Variants in PDZD2 observed in about 807,000 individuals in gnomAD.
The protein encoded by PDZD2 is PDZ domain containing 2, also known as PDZ domain-containing protein 2.
PDZD2 carries 90 observed loss-of-function variants against 220.7 expected under a neutral mutation model. That is an observed-to-expected ratio of 0.41 (90% confidence interval 0.34 to 0.49). The LOEUF (loss-of-function observed/expected upper bound fraction) is 0.49, where lower values mean the gene tolerates loss of function less well. Among genes scored for constraint, PDZD2 ranks in the 20% least tolerant of loss-of-function variants. The pLI is 0.28. For synonymous variants in PDZD2, 1,375 were observed against 1,450.5 expected (o/e 0.95, Z 1.18); for missense variants, 3,174 against 3,608.5 (o/e 0.88, Z 3.08).
chr5:31,926,526 G>GAAA (rs71300157), intron 2 of PDZD2, among the ~76,000 whole-genome samples: 37,902 of 80,896 alleles, frequency 0.47, 8,959 homozygotes, highest in East Asian at 0.72. Flanking sequence ...AACTGCATCT[G>GAAA]AAAAAAAAAA....
intron 2 of PDZD2, among the ~76,000 whole-genome samples, chr5:31,970,713 A>G (rs369426165): frequency 2.0e-5 from 3 of 152,268 alleles, no homozygotes; most frequent in African/African-American, 2.4e-5. Flanking sequence ...TGGGTTCTCT[A>G]AGACACCACT....
Position 32,063,069 on chromosome 5 carries a change from G to GA in PDZD2, c.2451+1936dup, listed in dbSNP as rs1267680981. On this transcript the variant is annotated intron_variant, in intron 14 of 24. Transcript: ENST00000438447. ...ATTATTATTATTATTATTTGAGACG[G>GA]AGTCTAGCTCTATAGCCCGGGCTGG... is the stretch of plus-strand genomic sequence containing the variant. 1.2e-4 allele frequency among the ~76,000 whole-genome samples: 13 copies of GA among 105,102 alleles called. No homozygotes were observed. In the East Asian group the frequency reaches 4.5e-3, roughly 36 times the overall value. 69.0% of individuals were successfully genotyped at this position (105,102 alleles called of 152,430 possible).
intron 2 of PDZD2, among the ~76,000 whole-genome samples, chr5:31,904,512 C>T (rs1023436688): frequency 6.6e-6 from 1 of 152,114 alleles, no homozygotes; most frequent in African/African-American, 2.4e-5. Context: ...GAAATCAATA[C>T]TTGTTAATAT....
At chr5:31,917,804 G>A (rs1176220351) in intron 2 of PDZD2, among the ~76,000 whole-genome samples, 2 of 152,050 alleles carry the variant, frequency 1.3e-5, no homozygotes, top group African/African-American at 2.4e-5. Flanking sequence ...GTGCAATGGC[G>A]CGATCTCGGC....
intron 2 of PDZD2, among the ~76,000 whole-genome samples, chr5:31,841,363 A>G (rs947124054): frequency 6.6e-6 from 1 of 152,166 alleles, no homozygotes; most frequent in Non-Finnish European, 1.5e-5. Context: ...GGCTTTCCCT[A>G]ACTGTAAAAT....
At chr5:31,752,085 T>TTTTTTTTTTTTTTTTTTTG (rs1561431800) in intron 1 of PDZD2, among the ~76,000 whole-genome samples, 1 of 135,064 alleles carries the variant, frequency 7.4e-6, no homozygotes, top group Non-Finnish European at 1.6e-5. Flanking sequence ...TTTTTTTTTT[T>TTTTTTTTTTTTTTTTTTTG]TTTTTCTGAG....
chr5:31,691,138 G>C (rs1316692239), intron 1 of PDZD2, among the ~76,000 whole-genome samples: 3 of 152,158 alleles, frequency 2.0e-5, no homozygotes, highest in African/African-American at 4.8e-5. Flanking sequence ...TCTGACGTTC[G>C]GATGCATTCG....
At chr5:31,967,539 A>G (rs548150710) in intron 2 of PDZD2, among the ~76,000 whole-genome samples, 4 of 152,260 alleles carry the variant, frequency 2.6e-5, no homozygotes, top group Admixed American at 6.5e-5. Flanking sequence ...ATCATCTTTG[A>G]CACACTTTTC....
At chr5:31,803,488 T>A (rs757621539) in intron 2 of PDZD2, among the ~76,000 whole-genome samples, 27 of 151,826 alleles carry the variant, frequency 1.8e-4, no homozygotes, top group Non-Finnish European at 3.8e-4. Context: ...TTGGATAGTT[T>A]GAATAATTTC....
intron 2 of PDZD2, among the ~76,000 whole-genome samples, chr5:31,944,076 C>G (rs911914812): frequency 6.6e-6 from 1 of 152,216 alleles, no homozygotes; most frequent in African/African-American, 2.4e-5. Flanking sequence ...TTCAGTGTAA[C>G]AAGCACATGC....
chr5:31,989,411 ATTTTC>A (rs1190615371), intron 3 of PDZD2, among the ~76,000 whole-genome samples: 2 of 121,698 alleles, frequency 1.6e-5, no homozygotes, highest in Admixed American at 1.5e-4. Context: ...TATATACCAC[ATTTTC>A]TTTTCTTTTT....
rs543191907 is a variant in PDZD2, at chr5:31,737,351, T to G, written c.-360-61538T>G. On this transcript the variant is annotated intron_variant, in intron 1 of 24. Coordinates refer to ENST00000438447, the MANE Select transcript of PDZD2 (RefSeq NM_178140.4). Reference sequence around the variant, plus strand: ...CCACGCCCAGCTAATTTGTTGTATTTTTAGTAGAGATGGGGTTTCACCGTG... The same window carrying G: ...CCACGCCCAGCTAATTTGTTGTATTGTTAGTAGAGATGGGGTTTCACCGTG... Among the ~76,000 whole-genome samples, 4 of 148,432 alleles carry G rather than the reference T, an allele frequency of 2.7e-5. No homozygotes were observed. The South Asian group carries it at 6.5e-4, about 24-fold the overall frequency.
intron 2 of PDZD2, among the ~76,000 whole-genome samples, chr5:31,868,830 G>A (rs913834634): frequency 6.6e-6 from 1 of 152,196 alleles, no homozygotes; most frequent in Non-Finnish European, 1.5e-5. Context: ...GGAGTGCAGT[G>A]GCACGATGTC....
intron 2 of PDZD2, among the ~76,000 whole-genome samples, chr5:31,803,533 C>T (rs1754529269): frequency 6.6e-6 from 1 of 151,718 alleles, no homozygotes; most frequent in African/African-American, 2.4e-5. Context: ...TTAGTTGTCC[C>T]GGTGTCTGGC....
chr5:31,973,094 C>T (rs1461339583), intron 2 of PDZD2, among the ~76,000 whole-genome samples: 1 of 152,130 alleles, frequency 6.6e-6, no homozygotes, highest in African/African-American at 2.4e-5. Flanking sequence ...TTCCTATTTC[C>T]AACAGGTGTA....
chr5:32,097,182 T>G, intron 21 of PDZD2, 97 bp from the exon 22 acceptor site: 1 of 793,452 alleles, frequency 1.3e-6, no homozygotes, highest in South Asian at 1.5e-5. Context: ...AGGACTGACA[T>G]CAGAGCTTCC....
At chr5:32,025,578 T>A (rs1231730634) in intron 6 of PDZD2, among the ~76,000 whole-genome samples, 1 of 141,442 alleles carries the variant, frequency 7.1e-6, no homozygotes, top group African/African-American at 2.6e-5. Context: ...TGAGCCCAAA[T>A]GTAACCATGA....
At chr5:32,048,064 G>A (rs893760345) in intron 7 of PDZD2, among the ~76,000 whole-genome samples, 4 of 152,122 alleles carry the variant, frequency 2.6e-5, no homozygotes, top group African/African-American at 9.7e-5. Flanking sequence ...TCATTGAACT[G>A]TGTATTTATG....
intron 1 of PDZD2, among the ~76,000 whole-genome samples, chr5:31,676,522 A>G (rs1370863394): frequency 6.6e-6 from 1 of 151,900 alleles, no homozygotes; most frequent in Non-Finnish European, 1.5e-5. Context: ...GAGCAGAAAT[A>G]TAACAGCAAA....
Sources: gnomAD v4.1 joint callset for allele counts (sites outside exome capture counted in the v4.1 genomes callset) on GRCh38, gnomAD v4.1.1 for gene constraint, MANE v1.5 for transcripts, NCBI Gene and HGNC (gene_info 2026-07-23, HGNC 2026-07-21) for gene names.